The following MAPRE2 variants were observed in gnomAD, a reference collection of about 807,000 sequenced individuals.
MAPRE2 encodes microtubule-associated protein RP/EB family member 2.
MAPRE2 carries 13 observed loss-of-function variants against 43.2 expected under a neutral mutation model. That is an observed-to-expected ratio of 0.30 (90% confidence interval 0.20 to 0.48). The LOEUF is 0.48. Ranked by LOEUF, MAPRE2 falls within the 20% of genes least tolerant of loss-of-function variation. The probability of loss-of-function intolerance (pLI) is 0.99; values close to 1 mark genes in which losing one functional copy is unlikely to be tolerated. For synonymous variants in MAPRE2, 135 were observed against 148.8 expected (o/e 0.91, Z 0.68); for missense variants, 161 against 400.2 (o/e 0.40, Z 5.10).
chr18:34,990,059 ACAC>A (rs1426358043), intron 1 of MAPRE2, among the ~76,000 whole-genome samples: 3 of 152,178 alleles, frequency 2.0e-5, no homozygotes, highest in African/African-American at 7.2e-5. Flanking sequence ...ACAGTGCTTG[ACAC>A]AAGATTTTAA....
intron 1 of MAPRE2, among the ~76,000 whole-genome samples, chr18:34,998,495 T>C (rs560885242): frequency 6.6e-6 from 1 of 151,756 alleles, no homozygotes; most frequent in African/African-American, 2.4e-5. Context: ...CCCCGCTAAT[T>C]TTTTTATATT....
chr18:35,108,131 C>T (rs1908995410), intron 4 of MAPRE2, among the ~76,000 whole-genome samples: 1 of 152,124 alleles, frequency 6.6e-6, no homozygotes, highest in Non-Finnish European at 1.5e-5. Context: ...TCACCCACAA[C>T]ACCCAAACAG....
intron 1 of MAPRE2, among the ~76,000 whole-genome samples, chr18:34,999,551 G>A (rs570716975): frequency 2.0e-5 from 3 of 152,250 alleles, no homozygotes; most frequent in African/African-American, 7.2e-5. Flanking sequence ...GGTATTTTCT[G>A]GGGATTATCT....
At chr18:35,019,252 G>T (rs989338866) in intron 2 of MAPRE2, among the ~76,000 whole-genome samples, 1 of 151,968 alleles carries the variant, frequency 6.6e-6, no homozygotes, top group Non-Finnish European at 1.5e-5. Context: ...CTGAGCATGT[G>T]GTTGATATTG....
chr18:35,049,995 A>G (rs1179207561), intron 1 of MAPRE2, among the ~76,000 whole-genome samples: 2 of 152,194 alleles, frequency 1.3e-5, no homozygotes, highest in Non-Finnish European at 1.5e-5. Flanking sequence ...TTATATTTGT[A>G]TTGGTCATCA....
chr18:35,123,410 A>G (rs1227981654), intron 4 of MAPRE2, among the ~76,000 whole-genome samples: 2 of 152,196 alleles, frequency 1.3e-5, no homozygotes, highest in Admixed American at 1.3e-4. Flanking sequence ...TGCCTATGAA[A>G]GACTGCCAGG....
At chr18:35,075,068 C>A (rs1057214422) in intron 2 of MAPRE2, among the ~76,000 whole-genome samples, 1 of 152,192 alleles carries the variant, frequency 6.6e-6, no homozygotes, top group Admixed American at 6.5e-5. Context: ...TGTCTTGGAT[C>A]AAGTCACTGG....
In MAPRE2 at chr18:35,140,386, T is replaced by C; in HGVS notation, c.*17T>C. ...GAGTACTGACCCACCCCGGCTGCTC[T>C]TGACACTTCCATTGTGTGTGGGAAC... On this transcript the variant is annotated 3_prime_UTR_variant, in exon 7 of 7. Coordinates refer to ENST00000300249, the MANE Select transcript of MAPRE2 (RefSeq NM_014268.4). 6.2e-7 allele frequency: 1 copy of C among 1,600,614 alleles called. No homozygotes were observed. Among genetic ancestry groups the C allele is most frequent in the Non-Finnish European group, 8.5e-7 (1 of 1,173,424 alleles).
At chr18:35,055,848 G>A (rs529835449) in intron 1 of MAPRE2, among the ~76,000 whole-genome samples, 16 of 151,996 alleles carry the variant, frequency 1.1e-4, no homozygotes, top group Non-Finnish European at 2.4e-4. Flanking sequence ...CTACCTACTG[G>A]GGAGGCTGGG....
intron 2 of MAPRE2, among the ~76,000 whole-genome samples, chr18:35,019,142 G>A (rs2097040381): frequency 6.6e-6 from 1 of 151,830 alleles, no homozygotes; most frequent in African/African-American, 2.4e-5. Flanking sequence ...TACCTTTGAG[G>A]AGTCTTCTTG....
At chr18:35,071,515 T>G (rs1907116334) in intron 2 of MAPRE2, among the ~76,000 whole-genome samples, 1 of 152,236 alleles carries the variant, frequency 6.6e-6, no homozygotes, top group African/African-American at 2.4e-5. Flanking sequence ...AGATAAGAGA[T>G]TTCTTCTTTC....
rs1603398432 is a variant in MAPRE2 at position 35,077,302 on chromosome 18, A to G, written c.250+6980A>G. ...ACACACACACACACAATTGGTACAA[A>G]GCAGTACCATTAGTGGGAATCTCAT... On this transcript the variant is annotated intron_variant, in intron 2 of 6. Transcript: ENST00000300249. Among the ~76,000 whole-genome samples the G allele has an allele frequency of 2.6e-5, 4 of 152,146 alleles. No homozygotes were observed. In the East Asian group the frequency reaches 7.7e-4, roughly 29 times the overall value.
chr18:35,075,727 A>T (rs187702350), intron 2 of MAPRE2, among the ~76,000 whole-genome samples: 4 of 152,062 alleles, frequency 2.6e-5, no homozygotes, highest in Non-Finnish European at 5.9e-5. Flanking sequence ...TGGTCTCAGC[A>T]TATCAACTAA....
intron 2 of MAPRE2, among the ~76,000 whole-genome samples, chr18:35,084,302 A>G (rs74984785): frequency 2.6e-3 from 401 of 152,304 alleles, no homozygotes; most frequent in Non-Finnish European, 4.1e-3. Context: ...AAATAACATT[A>G]CTTTTTAAAA....
chr18:35,091,402 A>G (rs145581126), intron 2 of MAPRE2, among the ~76,000 whole-genome samples: 1 of 152,364 alleles, frequency 6.6e-6, no homozygotes, highest in African/African-American at 2.4e-5. Flanking sequence ...ATGTATGCAG[A>G]TATTCCCAAA....
intron 1 of MAPRE2, among the ~76,000 whole-genome samples, chr18:34,985,279 TATA>T (rs2097019211): frequency 2.2e-5 from 1 of 46,478 alleles, no homozygotes; most frequent in Admixed American, 4.4e-4. Flanking sequence ...TATAATATAA[TATA>T]TTATATATTA....
Position 35,055,537 on chromosome 18 carries a change from C to CTCTGTG in MAPRE2, c.122+13877_122+13878insCTGTGT, listed in dbSNP as rs1555914066. Among the ~76,000 whole-genome samples the CTCTGTG allele has an allele frequency of 1.5e-3, 222 of 146,686 alleles. 2 individuals carry two copies. Among genetic ancestry groups the CTCTGTG allele is most frequent in the African/African-American group, 5.5e-3 (213 of 38,932 alleles). On this transcript the variant is annotated intron_variant, in intron 1 of 6. Coordinates refer to ENST00000300249, the MANE Select transcript of MAPRE2 (RefSeq NM_014268.4). ...TCTTGCAGGGACACTATTCAGTTCT[C>CTCTGTG]TGTGTGTGTGTGTGTGTGTGTGTGT...
chr18:34,978,433 C>G (rs2097014362), intron 1 of MAPRE2: 1 of 1,260,668 alleles, frequency 7.9e-7, no homozygotes, highest in East Asian at 2.5e-5. Flanking sequence ...AGTGTGCAGA[C>G]CGGTTGCGAT....
At chr18:35,036,984 G>A (rs1030614437), upstream of MAPRE2, among the ~76,000 whole-genome samples, 11 of 152,240 alleles carry the variant, frequency 7.2e-5, no homozygotes, top group East Asian at 1.7e-3. Flanking sequence ...CAAGATTTTA[G>A]GTGTACTTTT....
Sources: gnomAD v4.1 joint callset for allele counts (sites outside exome capture counted in the v4.1 genomes callset) on GRCh38, gnomAD v4.1.1 for gene constraint, MANE v1.5 for transcripts, NCBI Gene and HGNC (gene_info 2026-07-23, HGNC 2026-07-21) for gene names.